Variants in FAM153A observed in about 807,000 individuals in gnomAD.
The protein encoded by FAM153A is protein FAM153A.
Under a neutral mutation model 48.1 loss-of-function variants are expected in FAM153A, and 12 were observed. The observed-to-expected ratio is 0.25, with a 90% confidence interval of 0.16 to 0.40. The LOEUF (loss-of-function observed/expected upper bound fraction) is 0.40, where lower values mean the gene tolerates loss of function less well. FAM153A is among the 10% of genes least tolerant of loss of function. The pLI, the probability that FAM153A is intolerant of heterozygous loss-of-function variation, is 1.00. For synonymous variants in FAM153A, 36 were observed against 118.2 expected (o/e 0.30, Z 4.51); for missense variants, 111 against 345.8 (o/e 0.32, Z 5.38).
At chr5:177,708,837 G>T (rs1758090767), downstream of FAM153A, among the ~76,000 whole-genome samples, 1 of 151,650 alleles carries the variant, frequency 6.6e-6, no homozygotes, top group African/African-American at 2.4e-5. Context: ...GCTCACGCCT[G>T]TAATCCCAGC....
chr5:177,705,160 T>C (rs2936908), downstream of FAM153A, among the ~76,000 whole-genome samples: 80,591 of 142,478 alleles, frequency 0.57, 22,855 homozygotes, highest in African/African-American at 0.62. Flanking sequence ...AAAAATTAGC[T>C]GAGCATGGTG....
upstream of FAM153A, among the ~76,000 whole-genome samples, chr5:177,753,506 C>A (rs1191221398): frequency 6.7e-6 from 1 of 149,862 alleles, no homozygotes; most frequent in Non-Finnish European, 1.5e-5. Flanking sequence ...AGATTTGCCT[C>A]TCAAATATAT....
upstream of FAM153A, among the ~76,000 whole-genome samples, chr5:177,755,656 C>G (rs998442662): frequency 6.6e-6 from 1 of 151,724 alleles, no homozygotes; most frequent in African/African-American, 2.4e-5. Flanking sequence ...ACTCCACAAG[C>G]CAGAAGAGAG....
the FAM153A span, among the ~76,000 whole-genome samples, chr5:177,696,233 G>T: frequency 7.2e-6 from 1 of 138,314 alleles, no homozygotes; most frequent in East Asian, 2.3e-4. Flanking sequence ...ATGGGTGGCC[G>T]GGCAGAGGCG....
chr5:177,709,093 C>CCA (rs1758119692), downstream of FAM153A, among the ~76,000 whole-genome samples: 4 of 34,120 alleles, frequency 1.2e-4, no homozygotes, highest in African/African-American at 3.5e-4. Flanking sequence ...GACTCCGTCT[C>CCA]AAAAAAAAAA....
At chr5:177,696,174 A>C in the FAM153A span, among the ~76,000 whole-genome samples, 10 of 94,418 alleles carry the variant, frequency 1.1e-4, no homozygotes, top group Non-Finnish European at 1.4e-4. Context: ...GGCACTCCTC[A>C]CTTCCTAGAT....
downstream of FAM153A, among the ~76,000 whole-genome samples, chr5:177,709,360 ATT>A (rs70994932): frequency 6.5e-4 from 81 of 124,406 alleles, no homozygotes; most frequent in Non-Finnish European, 8.0e-4. Flanking sequence ...TGTAATTAGG[ATT>A]TTTTTTTTTT....
In FAM153A at chr5:177,766,041, C is replaced by T. The variant is rs6894410; in HGVS notation, c.-57+14408G>A. 7.4e-5 allele frequency among the ~76,000 whole-genome samples: 8 copies of T among 108,812 alleles called. 1 individual carries two copies. Among genetic ancestry groups the T allele is most frequent in the Admixed American group, 1.9e-4 (2 of 10,346 alleles). The allele number at this position is 108,812 out of a possible 152,430, so 71.4% of individuals were successfully genotyped here. On this transcript the variant is annotated intron_variant, in intron 1 of 8. Coordinates refer to the FAM153A transcript ENST00000393518. ...CTGAGGCAGGAGAATCGCTTGAACT[C>T]GGGCGGCAGAGGTTGCATTGAGCCA...
intron 2 of FAM153A, among the ~76,000 whole-genome samples, chr5:177,749,710 T>C (rs1051908533): frequency 1.1e-4 from 14 of 133,314 alleles, no homozygotes; most frequent in Non-Finnish European, 1.7e-4. Context: ...ACAAATGCCT[T>C]CAAAGGGAGA....
At chr5:177,772,157 A>G (rs1769141475) in intron 1 of FAM153A, among the ~76,000 whole-genome samples, 1 of 97,614 alleles carries the variant, frequency 1.0e-5, no homozygotes, top group Admixed American at 1.0e-4. Context: ...ACTTTCCCTA[A>G]TCTGTTTTTC....
intron 10 of FAM153A, among the ~76,000 whole-genome samples, chr5:177,738,725 G>C (rs1349006518): frequency 6.6e-6 from 1 of 151,348 alleles, no homozygotes; most frequent in African/African-American, 2.5e-5. Context: ...TAAATGGGCA[G>C]AGTGACGTTA....
upstream of FAM153A, among the ~76,000 whole-genome samples, chr5:177,755,428 A>T (rs1190112909): frequency 6.6e-6 from 1 of 151,916 alleles, no homozygotes; most frequent in Admixed American, 6.6e-5. Flanking sequence ...ATTATCCAGG[A>T]GAACTTCCCC....
intron 1 of FAM153A, among the ~76,000 whole-genome samples, chr5:177,764,379 A>G (rs1336572205): frequency 4.0e-5 from 6 of 151,366 alleles, no homozygotes; most frequent in Admixed American, 6.6e-5. Context: ...GCTGGGCCCA[A>G]GTGAGGGCGA....
downstream of FAM153A, among the ~76,000 whole-genome samples, chr5:177,703,323 C>CCCA (rs1409128529): frequency 2.0e-4 from 30 of 152,042 alleles, no homozygotes; most frequent in East Asian, 5.6e-3. Context: ...TGCATGGGGC[C>CCCA]TGTAGCCCCT....
intron 1 of FAM153A, among the ~76,000 whole-genome samples, chr5:177,779,312 C>A (rs1213844168): frequency 8.1e-6 from 1 of 123,306 alleles, no homozygotes; most frequent in Non-Finnish European, 1.7e-5. Flanking sequence ...GTGTGCGCAC[C>A]CGAACGCACA....
rs1333928769 is a variant in FAM153A at position 177,730,289 on chromosome 5, C to T, written c.863-734G>A. On this transcript the variant is annotated intron_variant, in intron 16 of 20. Coordinates refer to ENST00000614127, the Ensembl canonical transcript of FAM153A. ...AACCCAGCTGTGCAGGAGATTCCTG[C>T]AGGGAAAATGGGTGCCCGGCTAATT... Among the ~76,000 whole-genome samples, 3 of 121,304 alleles carry T rather than the reference C, an allele frequency of 2.5e-5. 1 individual carries two copies. The highest frequency in any genetic ancestry group is 6.0e-4 in the East Asian group (2 of 3,352). The allele number at this position is 121,304 out of a possible 152,430, so 79.6% of individuals were successfully genotyped here. A position where few individuals can be genotyped will look rare whatever the true frequency, so the allele number is the denominator to read the frequency against.
chr5:177,709,399 T>C (rs1223840428), downstream of FAM153A, among the ~76,000 whole-genome samples: 1 of 149,460 alleles, frequency 6.7e-6, no homozygotes, highest in Non-Finnish European at 1.5e-5. Flanking sequence ...TCTCACTCTG[T>C]TGCCAGGGCT....
chr5:177,710,905 C>T (rs1302346380), downstream of FAM153A, among the ~76,000 whole-genome samples: 1 of 151,380 alleles, frequency 6.6e-6, no homozygotes, highest in East Asian at 1.9e-4. Flanking sequence ...CCTCCTCGGC[C>T]TCCCAAAGTG....
chr5:177,706,457 C>T (rs1205197922), downstream of FAM153A, among the ~76,000 whole-genome samples: 1 of 152,020 alleles, frequency 6.6e-6, no homozygotes, highest in South Asian at 2.1e-4. Flanking sequence ...CCTCGGCCTC[C>T]CAAAGTGCTG....
Sources: gnomAD v4.1 joint callset for allele counts (sites outside exome capture counted in the v4.1 genomes callset) on GRCh38, gnomAD v4.1.1 for gene constraint, MANE v1.5 for transcripts, NCBI Gene and HGNC (gene_info 2026-07-23, HGNC 2026-07-21) for gene names.